TIAM2: variants seen among roughly 807,000 people sequenced by gnomAD.
TIAM2 encodes the protein rho guanine nucleotide exchange factor TIAM2.
TIAM2 carries 80 observed loss-of-function variants against 152.9 expected under a neutral mutation model. The ratio of observed to expected loss-of-function variants is 0.52; its 90% CI spans 0.44 to 0.63. The LOEUF (loss-of-function observed/expected upper bound fraction) is 0.63. Ranked by LOEUF, TIAM2 falls within the 30% of genes least tolerant of loss-of-function variation. The pLI is 0.00. For synonymous variants in TIAM2, 804 were observed against 838.0 expected, an observed-to-expected ratio of 0.96 and a Z score of 0.70; for missense variants, 1,965 against 2,120.1, an observed-to-expected ratio of 0.93 and a Z score of 1.44.
At position 155,005,001 on chromosome 6, in the gene TIAM2, C is replaced by A. The variant is rs927115621; in HGVS notation, c.-209+9509C>A. 1.4e-5 allele frequency: 7 copies of A among 488,310 alleles called. No homozygotes were observed. The Admixed American group carries it at 1.8e-4, about 12-fold the overall frequency. The allele number at this position is 488,310 out of a possible 1,614,324, so 30.2% of individuals were successfully genotyped here. On this transcript the variant is annotated intron_variant, in intron 1 of 26. Coordinates refer to ENST00000682666, the MANE Select transcript of TIAM2 (RefSeq NM_012454.4). ...TTCACTTACCTTAAGCCATTTGCCCCATGTGAAGAGGCAGAAGGCAGTCAT... is the reference window on the plus strand; with the variant it reads ...TTCACTTACCTTAAGCCATTTGCCCAATGTGAAGAGGCAGAAGGCAGTCAT...
intron 21 of TIAM2, chr6:155,250,663 C>G (rs1783600780): frequency 4.0e-6 from 6 of 1,511,814 alleles, no homozygotes; most frequent in South Asian, 1.2e-5. Flanking sequence ...GGTCACAAGG[C>G]ATGTCTCACC....
At chr6:155,067,922 G>A (rs1191305327) in intron 1 of TIAM2, among the ~76,000 whole-genome samples, 2 of 152,126 alleles carry the variant, frequency 1.3e-5, no homozygotes, top group African/African-American at 4.8e-5. Flanking sequence ...GAATACAGGC[G>A]TGCATGACCA....
At chr6:155,119,267 T>A (rs1779094617) in intron 2 of TIAM2, among the ~76,000 whole-genome samples, 1 of 152,028 alleles carries the variant, frequency 6.6e-6, no homozygotes, top group Non-Finnish European at 1.5e-5. Flanking sequence ...ACTCCTGACT[T>A]CATGTGATCC....
Position 155,256,805 on chromosome 6 carries a change from T to C in TIAM2, c.4790T>C (p.Ile1597Thr), listed in dbSNP as rs751780285. Residue 1597 changes from isoleucine to threonine, a missense_variant, in exon 27 of 27, where the codon ATT (isoleucine) becomes ACT (threonine). Ile to Thr is a moderately conservative substitution (Grantham distance 89). Transcript: ENST00000682666. Reference sequence around the variant, plus strand: ...GAAATTCAGTTCCAGAGACTGAGGATTTCCGAGGACCCAGACGTTCACCCC... The same window carrying C: ...GAAATTCAGTTCCAGAGACTGAGGACTTCCGAGGACCCAGACGTTCACCCC... ...DIEIQFQRLR[I>T]SEDPDVHPEA... The C allele has an allele frequency of 3.7e-5, 59 of 1,613,950 alleles. No homozygotes were observed. The highest frequency in any genetic ancestry group is 4.9e-5 in the Non-Finnish European group (58 of 1,180,016).
At chr6:155,134,812 T>C (rs945309095) in intron 4 of TIAM2, among the ~76,000 whole-genome samples, 1 of 152,146 alleles carries the variant, frequency 6.6e-6, no homozygotes, top group African/African-American at 2.4e-5. Context: ...TTCAAGCGAT[T>C]CTCCTGCCTC....
At chr6:155,193,189 G>A (rs1781252051) in intron 14 of TIAM2, among the ~76,000 whole-genome samples, 1 of 152,144 alleles carries the variant, frequency 6.6e-6, no homozygotes, top group Admixed American at 6.5e-5. Context: ...AGGATGGCTT[G>A]AGGCCAGGAG....
chr6:155,238,431 C>A (rs57351747), intron 15 of TIAM2, among the ~76,000 whole-genome samples: 1 of 152,036 alleles, frequency 6.6e-6, no homozygotes, highest in East Asian at 1.9e-4. Context: ...GTTGCCTCCA[C>A]GTTTTCAGTT....
At chr6:155,153,339 A>G (rs2115075825) in intron 7 of TIAM2, among the ~76,000 whole-genome samples, 1 of 152,038 alleles carries the variant, frequency 6.6e-6, no homozygotes, top group African/African-American at 2.4e-5. Context: ...AGGCACGGTG[A>G]CTCACACCTG....
chr6:155,009,997 C>T lies in TIAM2; in HGVS notation c.-209+14505C>T, dbSNP rs181768925. ...TCTCCTGAGTAGCTGGGACTACAGG[C>T]GCCCGCCACCACACCTGGCTAATTT... is the stretch of plus-strand genomic sequence containing the variant. On this transcript the variant is annotated intron_variant, in intron 1 of 26. Transcript: ENST00000682666. 1.3e-3 allele frequency among the ~76,000 whole-genome samples: 196 copies of T among 152,166 alleles called. 1 individual carries two copies. Among genetic ancestry groups the T allele is most frequent in the African/African-American group, 4.4e-3 (183 of 41,522 alleles).
intron 2 of TIAM2, among the ~76,000 whole-genome samples, chr6:155,098,643 G>A (rs1778473995): frequency 6.6e-6 from 1 of 152,180 alleles, no homozygotes; most frequent in Admixed American, 6.5e-5. Context: ...GAACAAAAGG[G>A]TAATTTGACT....
intron 2 of TIAM2, among the ~76,000 whole-genome samples, chr6:155,096,031 G>A (rs542206684): frequency 1.9e-4 from 29 of 152,104 alleles, no homozygotes; most frequent in South Asian, 4.1e-4. Flanking sequence ...TTTGGGTAGC[G>A]TAATAATACA....
chr6:154,996,237 T>C (rs1298078649), intron 1 of TIAM2, among the ~76,000 whole-genome samples: 1 of 152,232 alleles, frequency 6.6e-6, no homozygotes, highest in Non-Finnish European at 1.5e-5. Context: ...ATTTCTATCT[T>C]TAAGGAGCGG....
chr6:155,059,294 C>CTGTGTG (rs56013145), intron 1 of TIAM2, among the ~76,000 whole-genome samples: 3,928 of 117,242 alleles, frequency 0.034, 68 homozygotes, highest in Non-Finnish European at 0.047. Flanking sequence ...GTGTGTGTGT[C>CTGTGTG]TGTGTGTGTG....
At chr6:155,047,666 AGG>A (rs1777208785) in intron 1 of TIAM2, among the ~76,000 whole-genome samples, 1 of 55,330 alleles carries the variant, frequency 1.8e-5, no homozygotes, top group Non-Finnish European at 4.0e-5. Context: ...AGAGAGAGAG[AGG>A]AGAGAGAGAG....
At chr6:155,147,696 G>C (rs1314575888) in intron 6 of TIAM2, among the ~76,000 whole-genome samples, 1 of 152,160 alleles carries the variant, frequency 6.6e-6, no homozygotes, top group Non-Finnish European at 1.5e-5. Flanking sequence ...TATTGGCCAG[G>C]CTGGTCTCGA....
chr6:155,226,873 C>T (rs993996127), intron 15 of TIAM2, among the ~76,000 whole-genome samples: 2 of 152,146 alleles, frequency 1.3e-5, no homozygotes, highest in African/African-American at 4.8e-5. Context: ...GAAGAATAAT[C>T]CAGGGCAAGT....
intron 1 of TIAM2, among the ~76,000 whole-genome samples, chr6:155,035,533 C>A (rs973467892): frequency 2.0e-5 from 3 of 152,050 alleles, no homozygotes; most frequent in African/African-American, 7.2e-5. Context: ...TGTTAGTTCA[C>A]GAGACTCAGA....
At chr6:155,116,649 G>A (rs537013775) in intron 2 of TIAM2, among the ~76,000 whole-genome samples, 8 of 152,254 alleles carry the variant, frequency 5.3e-5, no homozygotes, top group Non-Finnish European at 8.8e-5. Context: ...ACTGAAGCTC[G>A]GGCCTTTTAC....
chr6:155,076,710 C>T (rs956406509), intron 1 of TIAM2, among the ~76,000 whole-genome samples: 1 of 152,126 alleles, frequency 6.6e-6, no homozygotes, highest in East Asian at 1.9e-4. Context: ...TTTTTTTAGA[C>T]AGAGTCTTGC....
Sources: gnomAD v4.1 joint callset for allele counts (sites outside exome capture counted in the v4.1 genomes callset) on GRCh38, gnomAD v4.1.1 for gene constraint, MANE v1.5 for transcripts, NCBI Gene and HGNC (gene_info 2026-07-23, HGNC 2026-07-21) for gene names.